Variants in XPO4 observed in about 807,000 individuals in gnomAD.
The protein encoded by XPO4 is exportin 4.
XPO4 carries 39 observed loss-of-function variants against 143.0 expected under a neutral mutation model. That is an observed-to-expected ratio of 0.27 (90% confidence interval 0.21 to 0.36). The LOEUF is 0.36. Ranked by LOEUF, XPO4 falls within the 10% of genes least tolerant of loss-of-function variation. The pLI is 1.00. For synonymous variants in XPO4, 439 were observed against 474.0 expected (o/e 0.93, Z 0.96); for missense variants, 907 against 1,348.0 (o/e 0.67, Z 5.12).
At position 20,876,264 on chromosome 13, in the gene XPO4, GAA is replaced by G. The variant is rs35708026; in HGVS notation, c.70-7565_70-7564del. Among the ~76,000 whole-genome samples the G allele has an allele frequency of 2.4e-4, 20 of 81,904 alleles. No homozygotes were observed. The East Asian group carries it at 2.7e-3, about 11-fold the overall frequency. The allele number at this position is 81,904 out of a possible 152,430, so 53.7% of individuals were successfully genotyped here. A position where few individuals can be genotyped will look rare whatever the true frequency, so the allele number is the denominator to read the frequency against. On this transcript the variant is annotated intron_variant, in intron 1 of 22. Transcript: ENST00000255305. ...ACAATGAAAGCAAAACTCCATCTCG[GAA>G]AAAAAAAAAAAAAAAAAAGAATAAG...
chr13:20,864,318 A>C (rs2060226322), intron 2 of XPO4, among the ~76,000 whole-genome samples: 1 of 152,146 alleles, frequency 6.6e-6, no homozygotes, highest in African/African-American at 2.4e-5. Context: ...ATAATCTCTC[A>C]TTATAAACCT....
At chr13:20,873,101 C>CAAAAAAAAAAA (rs11420948) in intron 1 of XPO4, among the ~76,000 whole-genome samples, 1 of 128,144 alleles carries the variant, frequency 7.8e-6, no homozygotes, top group African/African-American at 3.0e-5. Flanking sequence ...CAAGGATCTT[C>CAAAAAAAAAAA]AAAAAAAAAA....
At position 20,787,505 on chromosome 13, in the gene XPO4, A is replaced by G; in HGVS notation, c.3141T>C (p.Phe1047=). Residue 1047 remains phenylalanine (F), a synonymous_variant, in exon 21 of 23, where the codon TTT becomes TTC. Transcript: ENST00000255305. The stretch of plus-strand genomic sequence containing the variant: ...CCTTAAGAAAGTGCCGTGTTGCTAG[A>G]AAAAGTGGTGAGTCTGTTTCTTGTG... The part of the protein sequence containing the change: ...AKAQETDSPL[F]LATRHFLKLV... The G allele has an allele frequency of 6.2e-7, 1 of 1,614,266 alleles. No homozygotes were observed. Among genetic ancestry groups the G allele is most frequent in the Non-Finnish European group, 8.5e-7 (1 of 1,180,038 alleles).
chr13:20,799,240 C>T lies in XPO4; in HGVS notation c.2247G>A (p.Arg749=), dbSNP rs2059400890. ...PLNFLSSPVQ[R]TLMKALVLGG... ...CTAAGACTAGAGCCTTCATCAATGT[C>T]CTCTGCACAGGACTTGACAAGAAAT... Residue 749 remains arginine, a synonymous_variant, in exon 16 of 23, where the codon AGG becomes AGA. Transcript: ENST00000255305. 1 of 1,613,850 alleles carries T rather than the reference C, an allele frequency of 6.2e-7. No homozygotes were observed. Among genetic ancestry groups the T allele is most frequent in the South Asian group, 1.1e-5 (1 of 91,066 alleles).
chr13:20,863,880 A>C (rs1023479037), intron 2 of XPO4, among the ~76,000 whole-genome samples: 9 of 152,206 alleles, frequency 5.9e-5, no homozygotes, highest in Admixed American at 2.6e-4. Flanking sequence ...AGTCAAGCAC[A>C]CCATTTTCTC....
chr13:20,813,309 T>A (rs2059607320), intron 9 of XPO4, among the ~76,000 whole-genome samples: 1 of 152,042 alleles, frequency 6.6e-6, no homozygotes, highest in Non-Finnish European at 1.5e-5. Context: ...AACAAGAAAC[T>A]AGTTCTAGAA....
chr13:20,796,247 T>C lies in XPO4; in HGVS notation c.2626A>G (p.Met876Val), dbSNP rs766682012. ...GTAAGGCAGGCTTCATATAAGTTCA[T>C]AGCTTTGGACTGAAAAAAAAAAAAA... The part of the protein sequence containing the change: ...QICYLGESKA[M>V]NLYEACLTLL... The change falls in exon 18 of 23, where the codon ATG becomes GTG. Residue 876 changes from methionine (M) to valine (V), a missense_variant. Coordinates refer to ENST00000255305, the MANE Select transcript of XPO4 (RefSeq NM_022459.5). The C allele has an allele frequency of 3.1e-6, 5 of 1,599,300 alleles. No individual in the cohort carries two copies. The South Asian group carries it at 5.7e-5, about 18-fold the overall frequency.
chr13:20,823,630 G>A (rs1438336821), intron 7 of XPO4, among the ~76,000 whole-genome samples: 1 of 149,436 alleles, frequency 6.7e-6, no homozygotes, highest in Non-Finnish European at 1.5e-5. Context: ...AATATTTTGT[G>A]ACCTGTGGAA....
chr13:20,899,338 A>T (rs1268225548), intron 1 of XPO4, among the ~76,000 whole-genome samples: 3 of 151,780 alleles, frequency 2.0e-5, no homozygotes, highest in African/African-American at 7.3e-5. Flanking sequence ...ATGGTTGAGT[A>T]AAAAAAGTAA....
Position 20,790,522 on chromosome 13 carries a change from C to T in XPO4, c.2856G>A (p.Ala952=), listed in dbSNP as rs370771168. 1.3e-4 allele frequency: 207 copies of T among 1,614,146 alleles called. No homozygotes were observed. The highest frequency in any genetic ancestry group is 1.6e-4 in the Non-Finnish European group (192 of 1,180,014). ...GGTTTACTCCATACAACACAACATC[C>T]GCTGCTGACACAGATCTGTTTGCTG... ...GQAANRSVSA[A]DVVLYGVNLI... The change falls in exon 19 of 23, where the codon GCG becomes GCA. Residue 952 remains alanine (A), a synonymous_variant. Transcript: ENST00000255305.
chr13:20,887,343 A>C (rs1361373044), intron 1 of XPO4, among the ~76,000 whole-genome samples: 2 of 152,208 alleles, frequency 1.3e-5, no homozygotes, highest in Non-Finnish European at 2.9e-5. Flanking sequence ...TATGTTAATT[A>C]ACTTGACTTA....
intron 1 of XPO4, among the ~76,000 whole-genome samples, chr13:20,882,622 T>C (rs1004126699): frequency 2.0e-5 from 3 of 152,072 alleles, no homozygotes; most frequent in African/African-American, 7.2e-5. Context: ...GCGCAGTGGC[T>C]CATGCTTGTA....
intron 7 of XPO4, among the ~76,000 whole-genome samples, chr13:20,824,444 A>C (rs1045499758): frequency 1.3e-5 from 2 of 152,262 alleles, no homozygotes; most frequent in Non-Finnish European, 2.9e-5. Flanking sequence ...ATCAGAAGAA[A>C]GAATACCCTC....
chr13:20,794,855 G>A (rs2059335126), intron 18 of XPO4, among the ~76,000 whole-genome samples: 1 of 152,106 alleles, frequency 6.6e-6, no homozygotes, highest in Admixed American at 6.5e-5. Flanking sequence ...AGAATTCACT[G>A]AGGAAAAGTG....
chr13:20,794,918 C>CAA (rs5802087), intron 18 of XPO4, among the ~76,000 whole-genome samples: 15 of 147,762 alleles, frequency 1.0e-4, no homozygotes, highest in South Asian at 2.2e-4. Context: ...TAGTTAACTG[C>CAA]AAAAAAAATA....
chr13:20,859,428 G>A (rs377242706), intron 3 of XPO4, among the ~76,000 whole-genome samples: 7 of 152,150 alleles, frequency 4.6e-5, no homozygotes, highest in Admixed American at 2.0e-4. Flanking sequence ...GTGAAACCCC[G>A]TCTCTACTAA....
intron 9 of XPO4, among the ~76,000 whole-genome samples, chr13:20,818,276 A>T (rs186823308): frequency 1.6e-3 from 248 of 152,312 alleles, no homozygotes; most frequent in African/African-American, 5.7e-3. Flanking sequence ...CTCTTTGTGA[A>T]CACAGACTCT....
chr13:20,857,681 T>C (rs377143373), intron 3 of XPO4: 1 of 263,518 alleles, frequency 3.8e-6, no homozygotes, highest in Non-Finnish European at 5.9e-6. Context: ...GAGCTGAGAC[T>C]GCGCCACTGC....
rs116669415 is a variant in XPO4, at chr13:20,798,352, G to C, written c.2322+813C>G. ...GCCAAAGACTGCCAGCAAGCTACCA[G>C]AGGCTACAGATTTTCCCTCATAGCC... On this transcript the variant is annotated intron_variant, in intron 16 of 22. Coordinates refer to ENST00000255305, the MANE Select transcript of XPO4 (RefSeq NM_022459.5). 3.3e-3 allele frequency among the ~76,000 whole-genome samples: 509 copies of C among 152,294 alleles called. 4 individuals carry two copies. Among genetic ancestry groups the C allele is most frequent in the African/African-American group, 0.012 (490 of 41,556 alleles).
Sources: allele counts gnomAD v4.1 joint callset (sites outside exome capture counted in the v4.1 genomes callset), GRCh38; gene constraint gnomAD v4.1.1; transcripts MANE v1.5; gene names NCBI Gene and HGNC (gene_info 2026-07-23, HGNC 2026-07-21).